TMEM132C: variants seen among roughly 807,000 people sequenced by gnomAD.
The protein encoded by TMEM132C is transmembrane protein 132C, also known as protein phosphatase 1, regulatory subunit 152.
TMEM132C carries 29 observed loss-of-function variants against 61.4 expected under a neutral mutation model. The ratio of observed to expected loss-of-function variants is 0.47; its 90% confidence interval spans 0.35 to 0.64. The LOEUF (loss-of-function observed/expected upper bound fraction) is 0.64, where lower values mean the gene tolerates loss of function less well. TMEM132C is among the 30% of genes least tolerant of loss of function. The pLI is 0.00. For missense variants in TMEM132C, 1,408 were observed against 1,476.9 expected, an observed-to-expected ratio of 0.95 and a Z score of 0.76; for synonymous variants, 656 against 633.1, an observed-to-expected ratio of 1.04 and a Z score of -0.54.
chr12:128,510,684 G>A (rs1872538996), intron 2 of TMEM132C, among the ~76,000 whole-genome samples: 1 of 152,206 alleles, frequency 6.6e-6, no homozygotes, highest in Non-Finnish European at 1.5e-5. Flanking sequence ...AGTTCCCACT[G>A]AGTTACCAGA....
At chr12:128,642,362 G>C (rs1593130802) in intron 4 of TMEM132C, among the ~76,000 whole-genome samples, 1 of 152,074 alleles carries the variant, frequency 6.6e-6, no homozygotes, top group Non-Finnish European at 1.5e-5. Context: ...GAACTCCTGA[G>C]CTCAGGTATT....
chr12:128,529,294 T>A (rs991885123), intron 2 of TMEM132C, among the ~76,000 whole-genome samples: 2 of 152,088 alleles, frequency 1.3e-5, no homozygotes, highest in African/African-American at 4.8e-5. Flanking sequence ...TAAATCTAGA[T>A]CTTCTCATTT....
chr12:128,270,566 A>G (rs932391874), intron 1 of TMEM132C, among the ~76,000 whole-genome samples: 4 of 152,226 alleles, frequency 2.6e-5, no homozygotes, highest in East Asian at 1.9e-4. Flanking sequence ...TACGTTCTAT[A>G]GCAGGGATGA....
At chr12:128,268,659 C>G (rs960728828) in intron 1 of TMEM132C, among the ~76,000 whole-genome samples, 1 of 152,142 alleles carries the variant, frequency 6.6e-6, no homozygotes, top group African/African-American at 2.4e-5. Context: ...CCGCCTAATG[C>G]TCTGAGGCTG....
chr12:128,541,409 A>G (rs1046020549), intron 2 of TMEM132C, among the ~76,000 whole-genome samples: 2 of 152,186 alleles, frequency 1.3e-5, no homozygotes, highest in African/African-American at 4.8e-5. Context: ...CTCTGTTCCC[A>G]CTGGAGATTG....
At chr12:128,348,120 G>T (rs974104691) in intron 1 of TMEM132C, among the ~76,000 whole-genome samples, 3 of 152,090 alleles carry the variant, frequency 2.0e-5, no homozygotes, top group Non-Finnish European at 4.4e-5. Flanking sequence ...CTTATACAAT[G>T]GTCTGTAGTT....
chr12:128,644,370 A>C (rs1270283430), intron 4 of TMEM132C, among the ~76,000 whole-genome samples: 2 of 152,240 alleles, frequency 1.3e-5, no homozygotes, highest in Non-Finnish European at 2.9e-5. Context: ...AGAATAAACA[A>C]ATTTGTGGGT....
chr12:128,308,995 A>G (rs570184830), intron 1 of TMEM132C, among the ~76,000 whole-genome samples: 1 of 150,008 alleles, frequency 6.7e-6, no homozygotes, highest in East Asian at 2.0e-4. Flanking sequence ...GGATGAGGGG[A>G]GTTTTTGGGG....
chr12:128,561,990 TG>T (rs142380408), intron 3 of TMEM132C, among the ~76,000 whole-genome samples: 2 of 151,958 alleles, frequency 1.3e-5, no homozygotes, highest in Admixed American at 1.3e-4. Flanking sequence ...GGTGGGGTGT[TG>T]GGGGGAGTGA....
At position 128,643,814 on chromosome 12, in the gene TMEM132C, CT is replaced by C. The variant is rs1954175864; in HGVS notation, c.1306-25599del. ...GGTTGATGATAAGCCAGAATGCCTC[CT>C]TTTCATCCTATTATCTGGTTCTTTT... On this transcript the variant is annotated intron_variant, in intron 4 of 8. Transcript: ENST00000435159. 2.0e-5 allele frequency among the ~76,000 whole-genome samples: 3 copies of C among 152,066 alleles called. 1 individual carries two copies. The South Asian group carries it at 6.3e-4, about 32-fold the overall frequency.
chr12:128,531,381 A>G (rs1873295945), intron 2 of TMEM132C, among the ~76,000 whole-genome samples: 1 of 152,196 alleles, frequency 6.6e-6, no homozygotes, highest in Non-Finnish European at 1.5e-5. Context: ...GCTCAATTGG[A>G]AACACGTTTG....
intron 1 of TMEM132C, among the ~76,000 whole-genome samples, chr12:128,358,641 G>T (rs1382609630): frequency 6.6e-6 from 1 of 151,958 alleles, no homozygotes; most frequent in Non-Finnish European, 1.5e-5. Flanking sequence ...CAACCATGGG[G>T]TCCCCTGGTA....
At chr12:128,626,687 C>T (rs535052817) in intron 4 of TMEM132C, among the ~76,000 whole-genome samples, 94 of 152,194 alleles carry the variant, frequency 6.2e-4, no homozygotes, top group African/African-American at 2.2e-3. Context: ...TCAAGTGATC[C>T]GCCTGCCTTG....
intron 2 of TMEM132C, among the ~76,000 whole-genome samples, chr12:128,531,742 A>G (rs1319224811): frequency 1.3e-5 from 2 of 152,210 alleles, no homozygotes; most frequent in East Asian, 3.9e-4. Flanking sequence ...CAGGGGCAGA[A>G]AGTCTGCCCT....
chr12:128,448,310 C>T (rs984517184), intron 2 of TMEM132C, among the ~76,000 whole-genome samples: 38 of 152,308 alleles, frequency 2.5e-4, no homozygotes, highest in African/African-American at 8.2e-4. Flanking sequence ...TATTTCTTTA[C>T]CTTGCAATTC....
In TMEM132C at chr12:128,446,748, A is replaced by G. The variant is rs570961086; in HGVS notation, c.974+31128A>G. 1.2e-4 allele frequency among the ~76,000 whole-genome samples: 18 copies of G among 152,320 alleles called. No homozygotes were observed. The South Asian group carries it at 3.3e-3, about 28-fold the overall frequency. Reference sequence around the variant, plus strand: ...AGGGCTGGGGTAATTCAGCCACTCCAACCTGCATTCAGTCATTACTGAAGC... The same window carrying G: ...AGGGCTGGGGTAATTCAGCCACTCCGACCTGCATTCAGTCATTACTGAAGC... On this transcript the variant is annotated intron_variant, in intron 2 of 8. Coordinates refer to ENST00000435159, the MANE Select transcript of TMEM132C (RefSeq NM_001136103.3).
chr12:128,418,350 G>T (rs4882696), intron 2 of TMEM132C, among the ~76,000 whole-genome samples: 51,315 of 151,950 alleles, frequency 0.34, 10,404 homozygotes, highest in Non-Finnish European at 0.45. Flanking sequence ...TGTTACGGAC[G>T]GCGTACACAT....
Position 128,415,719 on chromosome 12 carries a change from C to A in TMEM132C, c.974+99C>A. The A allele has an allele frequency of 7.4e-7, 1 of 1,360,076 alleles. No homozygotes were observed. The highest frequency in any genetic ancestry group is 9.8e-7 in the Non-Finnish European group (1 of 1,021,068). 84.3% of individuals were successfully genotyped at this position (1,360,076 alleles called of 1,614,324 possible). On this transcript the variant is annotated intron_variant, in intron 2 of 8. Transcript: ENST00000435159. This position sits in a 1 kb window ranked among gnomAD's most constrained non-coding sequence, Gnocchi z 5.8. Reference sequence around the variant, plus strand: ...GATATTCAGGAAGCATCGATTTTCACTACCTTCAGGGACCGTTTGGCATTA... The same window carrying A: ...GATATTCAGGAAGCATCGATTTTCAATACCTTCAGGGACCGTTTGGCATTA...
At chr12:128,626,889 GGCCT>G (rs2135591463) in intron 4 of TMEM132C, among the ~76,000 whole-genome samples, 1 of 152,204 alleles carries the variant, frequency 6.6e-6, no homozygotes, top group East Asian at 1.9e-4. Context: ...AAATAGCTCA[GGCCT>G]GCTGCATACA....
Sources: gnomAD v4.1 joint callset for allele counts (sites outside exome capture counted in the v4.1 genomes callset) on GRCh38, gnomAD v4.1.1 for gene constraint, Gnocchi (gnomAD v3.1) non-coding constraint, MANE v1.5 for transcripts, NCBI Gene and HGNC (gene_info 2026-07-23, HGNC 2026-07-21) for gene names.